FZR1: variants seen among roughly 807,000 people sequenced by gnomAD.
FZR1 encodes the protein fizzy and cell division cycle 20 related 1.
In FZR1, 11 loss-of-function variants were observed where a neutral mutation model predicts 63.6. The observed-to-expected ratio is 0.17, with a 90% confidence interval of 0.11 to 0.29. The LOEUF is 0.29. Ranked by LOEUF, FZR1 falls within the 10% of genes least tolerant of loss-of-function variation. The pLI, the probability that FZR1 is intolerant of heterozygous loss-of-function variation, is 1.00. For missense variants in FZR1, 440 were observed against 687.5 expected, an observed-to-expected ratio of 0.64 and a Z score of 4.03; for synonymous variants, 328 against 297.9, an observed-to-expected ratio of 1.10 and a Z score of -1.04.
chr19:3,526,167 C>A lies in FZR1; in HGVS notation c.243C>A (p.Thr81=). ...AGAACCGGAAAGCCAAGGACGCCACCTCAGACAACGGCAAAGGTTAGGGTC... is the reference window on the plus strand; with the variant it reads ...AGAACCGGAAAGCCAAGGACGCCACATCAGACAACGGCAAAGGTTAGGGTC... ...PSQNRKAKDA[T]SDNGKDGLAY... The change falls in exon 4 of 14, where the codon ACC becomes ACA. Residue 81 remains threonine, a synonymous_variant. Transcript: ENST00000441788. The surrounding 1 kb of genome is among the most constrained non-coding windows in gnomAD (Gnocchi z 5.4). The A allele has an allele frequency of 6.2e-7, 1 of 1,612,940 alleles. No individual in the cohort carries two copies.
intron 1 of FZR1, among the ~76,000 whole-genome samples, chr19:3,517,607 G>A (rs547375146): frequency 5.3e-5 from 8 of 151,924 alleles, no homozygotes; most frequent in African/African-American, 1.9e-4. Flanking sequence ...AGAATTGCTT[G>A]AACCCGGGAG....
rs905188050 is a variant in FZR1 at position 3,515,280 on chromosome 19, C to G, written c.-34-7676C>G. Among the ~76,000 whole-genome samples, 4 of 152,226 alleles carry G rather than the reference C, an allele frequency of 2.6e-5. No individual in the cohort carries two copies. The highest frequency in any genetic ancestry group is 2.9e-5 in the Non-Finnish European group (2 of 68,040). On this transcript the variant is annotated intron_variant, in intron 1 of 13. Coordinates refer to ENST00000441788, the MANE Select transcript of FZR1 (RefSeq NM_016263.4). This position sits in a 1 kb window ranked among gnomAD's most constrained non-coding sequence, Gnocchi z 4.6. ...CTTTCCACACGGCCACACACGTTGT[C>G]TGTGCTCAGGAATTACTTAACAGCA...
At position 3,516,787 on chromosome 19, in the gene FZR1, C is replaced by T. The variant is rs1212148045; in HGVS notation, c.-34-6169C>T. Reference sequence around the variant, plus strand: ...GGCAGCGTTGAGTGAGTTGTGTGGCCAGTAGACTGACAGCTGCTGCCCACC... The same window carrying T: ...GGCAGCGTTGAGTGAGTTGTGTGGCTAGTAGACTGACAGCTGCTGCCCACC... On this transcript the variant is annotated intron_variant, in intron 1 of 13. Coordinates refer to ENST00000441788, the MANE Select transcript of FZR1 (RefSeq NM_016263.4). This position sits in a 1 kb window ranked among gnomAD's most constrained non-coding sequence, Gnocchi z 6.0. Among the ~76,000 whole-genome samples, 1 of 152,208 alleles carries T rather than the reference C, an allele frequency of 6.6e-6. No individual in the cohort carries two copies. Among genetic ancestry groups the T allele is most frequent in the Non-Finnish European group, 1.5e-5 (1 of 68,042 alleles).
chr19:3,525,420 T>C lies in FZR1; in HGVS notation c.70-448T>C, dbSNP rs905391900. ...ACCACGAGTGACTGTGTGGCTCCCC[T>C]CCTTGGGTTTTCTTTTTTTTTTTTT... On this transcript the variant is annotated intron_variant, in intron 2 of 13. Coordinates refer to ENST00000441788, the MANE Select transcript of FZR1 (RefSeq NM_016263.4). This position sits in a 1 kb window ranked among gnomAD's most constrained non-coding sequence, Gnocchi z 4.2. Among the ~76,000 whole-genome samples, 20 of 137,004 alleles carry C rather than the reference T, an allele frequency of 1.5e-4. No individual in the cohort carries two copies. The highest frequency in any genetic ancestry group is 2.5e-4 in the Non-Finnish European group (16 of 63,750). The allele number at this position is 137,004 out of a possible 152,430, so 89.9% of individuals were successfully genotyped here. A position where few individuals can be genotyped will look rare whatever the true frequency, so the allele number is the denominator to read the frequency against.
In FZR1 at chr19:3,525,259, C is replaced by T. The variant is rs1438335256; in HGVS notation, c.70-609C>T. Among the ~76,000 whole-genome samples, 2 of 152,006 alleles carry T rather than the reference C, an allele frequency of 1.3e-5. No homozygotes were observed. Among genetic ancestry groups the T allele is most frequent in the Non-Finnish European group, 2.9e-5 (2 of 67,990 alleles). On this transcript the variant is annotated intron_variant, in intron 2 of 13. Coordinates refer to ENST00000441788, the MANE Select transcript of FZR1 (RefSeq NM_016263.4). The surrounding 1 kb of genome is among the most constrained non-coding windows in gnomAD (Gnocchi z 4.2). ...GGCTCTGTCCCCTCCGCCATGGCCC[C>T]CATTCCTGCCACTCCACCCCGTCCC...
intron 1 of FZR1, among the ~76,000 whole-genome samples, chr19:3,508,571 G>C (rs2083002670): frequency 6.6e-6 from 1 of 152,198 alleles, no homozygotes; most frequent in African/African-American, 2.4e-5. Context: ...AGAACTTCTG[G>C]GTTTGGGAGT....
rs1265274035 is a variant in FZR1, at chr19:3,506,311, A to C, written c.-198A>C. On this transcript the variant is annotated 5_prime_UTR_variant, in exon 1 of 14. Transcript: ENST00000441788. ...CGGCGGAGGGAGGGAGCCGGGAGGC[A>C]GCGGAGGAGCGACCGCCGCCATATT... 2.0e-5 allele frequency: 3 copies of C among 146,390 alleles called. No individual in the cohort carries two copies. Among genetic ancestry groups the C allele is most frequent in the Non-Finnish European group, 3.0e-5 (2 of 66,472 alleles). The allele number at this position is 146,390 out of a possible 1,614,324, so 9.1% of individuals were successfully genotyped here. A position where few individuals can be genotyped will look rare whatever the true frequency, so the allele number is the denominator to read the frequency against.
In FZR1 at chr19:3,532,548, C is replaced by T. The variant is rs1184188025; in HGVS notation, c.1140C>T (p.Arg380=). The T allele has an allele frequency of 1.2e-6, 2 of 1,612,488 alleles. No homozygotes were observed. Among genetic ancestry groups the T allele is most frequent in the African/African-American group, 2.7e-5 (2 of 74,940 alleles). The change falls in exon 11 of 14, where the codon CGC becomes CGT. Residue 380 remains arginine, a synonymous_variant. Coordinates refer to ENST00000441788, the MANE Select transcript of FZR1 (RefSeq NM_016263.4). ...CCTCGGGGGGCGGCACAGCTGACCGCTGTATCCGCTTCTGGAACACGCTGA... is the reference window on the plus strand; with the variant it reads ...CCTCGGGGGGCGGCACAGCTGACCGTTGTATCCGCTTCTGGAACACGCTGA... ...LLASGGGTAD[R]CIRFWNTLTG... is the part of the protein sequence containing the mutation.
Position 3,533,398 on chromosome 19 carries a change from G to A in FZR1, c.1347G>A (p.Leu449=), listed in dbSNP as rs1158962901. The change falls in exon 12 of 14, where the codon CTG becomes CTA. Residue 449 remains leucine (L), a splice_region_variant and synonymous_variant. Coordinates refer to ENST00000441788, the MANE Select transcript of FZR1 (RefSeq NM_016263.4). This position sits in a 1 kb window ranked among gnomAD's most constrained non-coding sequence, Gnocchi z 4.9. ...LTGHSYRVLY[L]AMSPDGEAIV... is the part of the protein sequence containing the mutation. ...GGCACTCCTACCGCGTGCTGTACCTGGTGAGTTCACGCCAGGCACTTCAAG... is the reference window on the plus strand; with the variant it reads ...GGCACTCCTACCGCGTGCTGTACCTAGTGAGTTCACGCCAGGCACTTCAAG... 1.3e-6 allele frequency: 2 copies of A among 1,598,156 alleles called. No individual in the cohort carries two copies. Among genetic ancestry groups the A allele is most frequent in the South Asian group, 2.2e-5 (2 of 90,798 alleles).
chr19:3,529,702 G>GGATGGGAGAGCGGATGGGAGAGCA (rs1568237993), intron 7 of FZR1, among the ~76,000 whole-genome samples: 10 of 136,728 alleles, frequency 7.3e-5, no homozygotes, highest in Non-Finnish European at 1.7e-4. Context: ...ATGGTTGAGC[G>GGATGGGAGAGCGGATGGGAGAGCA]GATGGGAGAG....
rs936506850 is a variant in FZR1 at position 3,526,039 on chromosome 19, G to A, written c.195+46G>A. The A allele has an allele frequency of 6.2e-7, 1 of 1,611,568 alleles. No individual in the cohort carries two copies. Among genetic ancestry groups the A allele is most frequent in the African/African-American group, 1.3e-5 (1 of 74,928 alleles). On this transcript the variant is annotated intron_variant, in intron 3 of 13. Transcript: ENST00000441788. This position sits in a 1 kb window ranked among gnomAD's most constrained non-coding sequence, Gnocchi z 5.4. ...GAGATGGGACCCCCCGGGAAGCCCA[G>A]GGCCCCTCCCAGCCTCCTTGCTCTA...
chr19:3,526,903 G>T lies in FZR1; in HGVS notation c.388-77G>T. On this transcript the variant is annotated intron_variant, in intron 5 of 13. Transcript: ENST00000441788. This position sits in a 1 kb window ranked among gnomAD's most constrained non-coding sequence, Gnocchi z 5.4. ...GCCTTAGGGCTATGAGCTGTACCGG[G>T]AGCGTGGGCTGCTGGGGGGCTCTGA... 1 of 978,286 alleles carries T rather than the reference G, an allele frequency of 1.0e-6. No homozygotes were observed. The highest frequency in any genetic ancestry group is 1.6e-6 in the Non-Finnish European group (1 of 615,234). 60.6% of individuals were successfully genotyped at this position (978,286 alleles called of 1,614,324 possible).
rs1187922209 is a variant in FZR1, at chr19:3,529,697, T to TGAGCGGATGGGA, written c.655-1079_655-1068dup. Among the ~76,000 whole-genome samples the TGAGCGGATGGGA allele has an allele frequency of 5.6e-3, 523 of 92,980 alleles. 23 individuals carry two copies. The highest frequency in any genetic ancestry group is 0.012 in the African/African-American group (162 of 13,436). The allele number at this position is 92,980 out of a possible 152,430, so 61.0% of individuals were successfully genotyped here. On this transcript the variant is annotated intron_variant, in intron 7 of 13. Coordinates refer to ENST00000441788, the MANE Select transcript of FZR1 (RefSeq NM_016263.4). ...GAGAGTGGTTGAGGGAGTGGATGGT[T>TGAGCGGATGGGA]GAGCGGATGGGAGAGCGGATGGGAG...
chr19:3,510,008 C>A (rs957251694), intron 1 of FZR1, among the ~76,000 whole-genome samples: 3 of 152,072 alleles, frequency 2.0e-5, no homozygotes, highest in African/African-American at 7.2e-5. Context: ...ATGGTGTCAA[C>A]CCCATGCAAC....
Position 3,526,091 on chromosome 19 carries a change from C to T in FZR1, c.196-29C>T, listed in dbSNP as rs575076320. The stretch of plus-strand genomic sequence containing the variant: ...GGCCGGGAACAAGCGGGCTCCTCGA[C>T]CCCTCCCTCTCTGCTCTCCTGCCTG... On this transcript the variant is annotated intron_variant, in intron 3 of 13. Transcript: ENST00000441788. This position sits in a 1 kb window ranked among gnomAD's most constrained non-coding sequence, Gnocchi z 5.4. 1.2e-6 allele frequency: 2 copies of T among 1,612,168 alleles called. No individual in the cohort carries two copies. The highest frequency in any genetic ancestry group is 1.7e-6 in the Non-Finnish European group (2 of 1,179,532).
In FZR1 at chr19:3,531,804, A is replaced by G. The variant is rs1341425532; in HGVS notation, c.811A>G (p.Thr271Ala). The change falls in exon 9 of 14, where the codon ACG (threonine) becomes GCG (alanine). Residue 271 changes from threonine to alanine, a missense_variant. Transcript: ENST00000441788. ...GAAGCTGTCCATGTTGGAGGGCCAC[A>G]CGGCACGCGTCGGTGAGGAGCCCGG... ...GKKLSMLEGH[T>A]ARVGALAWNA... 1 of 1,550,266 alleles carries G rather than the reference A, an allele frequency of 6.5e-7. No homozygotes were observed. The highest frequency in any genetic ancestry group is 8.7e-7 in the Non-Finnish European group (1 of 1,146,784).
In FZR1 at chr19:3,522,845, G is replaced by A. The variant is rs1367651804; in HGVS notation, c.-34-111G>A. 8 of 685,756 alleles carry A rather than the reference G, an allele frequency of 1.2e-5. No individual in the cohort carries two copies. In the East Asian group the frequency reaches 2.0e-4, roughly 17 times the overall value. The allele number at this position is 685,756 out of a possible 1,614,324, so 42.5% of individuals were successfully genotyped here. On this transcript the variant is annotated intron_variant, in intron 1 of 13. Coordinates refer to ENST00000441788, the MANE Select transcript of FZR1 (RefSeq NM_016263.4). ...GCAGAAGATCCCCACAGAGGAGCCA[G>A]GAGGACCCCACAGTCACTCTAGCTC...
chr19:3,532,458 G>A lies in FZR1; in HGVS notation c.1050G>A (p.Gln350=), dbSNP rs368048244. The A allele has an allele frequency of 3.1e-6, 5 of 1,602,768 alleles. No individual in the cohort carries two copies. The highest frequency in any genetic ancestry group is 3.4e-5 in the Admixed American group (2 of 58,982). ...WNHSSLSPVQ[Q]YTEHLAAVKA... ...ACTCGAGCCTGAGCCCCGTGCAGCA[G>A]TACACGGAGCACCTGGCGGCCGTGA... Residue 350 remains glutamine (Q), a synonymous_variant, in exon 11 of 14, where the codon CAG becomes CAA. Transcript: ENST00000441788.
At chr19:3,511,495 G>A (rs2083024355) in intron 1 of FZR1, among the ~76,000 whole-genome samples, 2 of 152,220 alleles carry the variant, frequency 1.3e-5, no homozygotes, top group South Asian at 4.1e-4. Flanking sequence ...TTGAGCCCAG[G>A]AGTTTGAAAC....
Sources: allele counts gnomAD v4.1 joint callset (sites outside exome capture counted in the v4.1 genomes callset), GRCh38; gene constraint gnomAD v4.1.1; non-coding constraint Gnocchi (gnomAD v3.1); transcripts MANE v1.5; gene names NCBI Gene and HGNC (gene_info 2026-07-23, HGNC 2026-07-21).